The following GABBR2 variants were observed in gnomAD, a reference collection of about 807,000 sequenced individuals.
GABBR2 encodes G-protein coupled receptor 51.
A neutral mutation model predicts 105.6 loss-of-function variants in GABBR2; 23 were observed. That is an observed-to-expected ratio of 0.22 (90% CI 0.16 to 0.31). GABBR2 has a LOEUF of 0.31. GABBR2 is among the 10% of genes least tolerant of loss of function. The pLI, the probability that GABBR2 is intolerant of heterozygous loss-of-function variation, is 1.00. For synonymous variants in GABBR2, 478 were observed against 499.7 expected (o/e 0.96, Z 0.58); for missense variants, 734 against 1,245.5 (o/e 0.59, Z 6.18).
chr9:98,546,362 C>T (rs1828401673), intron 2 of GABBR2, among the ~76,000 whole-genome samples: 1 of 152,068 alleles, frequency 6.6e-6, no homozygotes, highest in African/African-American at 2.4e-5. Flanking sequence ...TCATGTATTT[C>T]AACTGTTTTT....
intron 2 of GABBR2, among the ~76,000 whole-genome samples, chr9:98,566,017 C>T (rs1828746319): frequency 6.6e-6 from 1 of 152,208 alleles, no homozygotes; most frequent in Admixed American, 6.5e-5. Flanking sequence ...GTCTCACACT[C>T]TAAGGCAGTG....
intron 1 of GABBR2, among the ~76,000 whole-genome samples, chr9:98,672,537 C>T (rs1056574306): frequency 6.6e-5 from 10 of 152,242 alleles, no homozygotes; most frequent in African/African-American, 2.4e-4. Context: ...TGAGTCGGTG[C>T]CTGTCTTGGC....
chr9:98,425,014 C>T (rs779983925), intron 7 of GABBR2, among the ~76,000 whole-genome samples: 6 of 151,902 alleles, frequency 3.9e-5, no homozygotes, highest in Admixed American at 6.6e-5. Context: ...AAAAAGAGCC[C>T]GCATCGCCAA....
At chr9:98,313,395 C>T (rs1044037351) in intron 13 of GABBR2, among the ~76,000 whole-genome samples, 4 of 152,182 alleles carry the variant, frequency 2.6e-5, no homozygotes, top group Admixed American at 2.6e-4. Flanking sequence ...ATAAATCTGT[C>T]TGTCTGTCTG....
intron 1 of GABBR2, among the ~76,000 whole-genome samples, chr9:98,660,683 G>A (rs1162887777): frequency 6.6e-6 from 1 of 152,228 alleles, no homozygotes; most frequent in Non-Finnish European, 1.5e-5. Flanking sequence ...TTTTGGCGGG[G>A]CTGGTTCCTT....
intron 3 of GABBR2, among the ~76,000 whole-genome samples, chr9:98,516,520 G>A (rs1588207696): frequency 6.6e-6 from 1 of 152,188 alleles, no homozygotes; most frequent in South Asian, 2.1e-4. Flanking sequence ...CTTGCCTCTA[G>A]ACCAATATTG....
Position 98,542,145 on chromosome 9 carries a change from C to T in GABBR2, c.460-102G>A, listed in dbSNP as rs947871324. 14 of 875,688 alleles carry T rather than the reference C, an allele frequency of 1.6e-5. No homozygotes were observed. In the African/African-American group the frequency reaches 1.7e-4, roughly 11 times the overall value. The allele number at this position is 875,688 out of a possible 1,614,324, so 54.2% of individuals were successfully genotyped here. ...AGAGACTGTTAGCTTCAACTTAGAG[C>T]ATAAACACACAGGGACAGATATTTT... On this transcript the variant is annotated intron_variant, in intron 2 of 18. Coordinates refer to ENST00000259455, the MANE Select transcript of GABBR2 (RefSeq NM_005458.8).
At chr9:98,328,899 C>T (rs1445291894) in intron 13 of GABBR2, among the ~76,000 whole-genome samples, 1 of 152,168 alleles carries the variant, frequency 6.6e-6, no homozygotes, top group Non-Finnish European at 1.5e-5. Flanking sequence ...AGCTTTGGAG[C>T]CAGGCTGCCT....
chr9:98,380,045 C>CATT (rs1488107794), intron 11 of GABBR2, among the ~76,000 whole-genome samples: 1 of 151,882 alleles, frequency 6.6e-6, no homozygotes, highest in Non-Finnish European at 1.5e-5. Context: ...ACATCTCAAT[C>CATT]ATCTTTGTGG....
At chr9:98,359,849 C>T (rs1171489423) in intron 13 of GABBR2, among the ~76,000 whole-genome samples, 1 of 152,118 alleles carries the variant, frequency 6.6e-6, no homozygotes, top group Non-Finnish European at 1.5e-5. Context: ...GCTGGGAGTC[C>T]TGACTGGGGA....
At chr9:98,621,633 G>A (rs1829672336) in intron 1 of GABBR2, among the ~76,000 whole-genome samples, 1 of 152,154 alleles carries the variant, frequency 6.6e-6, no homozygotes. Context: ...TTTACAACGG[G>A]AGCCAAATAA....
At chr9:98,638,206 A>T (rs1484619301) in intron 1 of GABBR2, among the ~76,000 whole-genome samples, 7 of 152,224 alleles carry the variant, frequency 4.6e-5, no homozygotes, top group Non-Finnish European at 1.0e-4. Flanking sequence ...AAAGACCCAG[A>T]ACAAAATACA....
chr9:98,606,165 G>C (rs1283737805), intron 1 of GABBR2, among the ~76,000 whole-genome samples: 2 of 152,200 alleles, frequency 1.3e-5, no homozygotes, highest in African/African-American at 2.4e-5. Context: ...TCTTAATCCA[G>C]TGTATCATTG....
chr9:98,593,910 C>A (rs1449233575), intron 1 of GABBR2, among the ~76,000 whole-genome samples: 1 of 152,216 alleles, frequency 6.6e-6, no homozygotes, highest in Non-Finnish European at 1.5e-5. Flanking sequence ...CACTCCCCCA[C>A]CTGACAGATG....
At chr9:98,546,765 C>CAA (rs376705372) in intron 2 of GABBR2, among the ~76,000 whole-genome samples, 6,882 of 130,454 alleles carry the variant, frequency 0.053, 1,599 homozygotes, top group East Asian at 0.12. Context: ...TTTATCATCT[C>CAA]ATTGGCCATC....
chr9:98,460,505 C>T (rs544777500), intron 6 of GABBR2, among the ~76,000 whole-genome samples: 183 of 151,846 alleles, frequency 1.2e-3, no homozygotes, highest in African/African-American at 4.2e-3. Flanking sequence ...AAAAATACAA[C>T]AATTGAAATA....
chr9:98,355,469 A>G (rs886995949), intron 13 of GABBR2, among the ~76,000 whole-genome samples: 10 of 152,256 alleles, frequency 6.6e-5, no homozygotes, highest in African/African-American at 2.2e-4. Context: ...ACGCAATCCC[A>G]TTTACATTAG....
chr9:98,678,899 C>G (rs915188520), intron 1 of GABBR2, among the ~76,000 whole-genome samples: 1 of 152,174 alleles, frequency 6.6e-6, no homozygotes, highest in Non-Finnish European at 1.5e-5. Flanking sequence ...TTCTTGACTT[C>G]AAGGTGTTTA....
chr9:98,514,560 AAC>A (rs986931282), intron 3 of GABBR2, among the ~76,000 whole-genome samples: 8 of 149,200 alleles, frequency 5.4e-5, no homozygotes, highest in African/African-American at 9.9e-5. Flanking sequence ...CAAAAAAACA[AAC>A]ACAGCATGTT....
Sources: allele counts gnomAD v4.1 joint callset (sites outside exome capture counted in the v4.1 genomes callset), GRCh38; gene constraint gnomAD v4.1.1; transcripts MANE v1.5; gene names NCBI Gene and HGNC (gene_info 2026-07-23, HGNC 2026-07-21).